HSPG2: variants seen among roughly 807,000 people sequenced by gnomAD.
The protein encoded by HSPG2 is heparan sulfate proteoglycan 2.
HSPG2 carries 278 observed loss-of-function variants against 526.6 expected under a neutral mutation model. That is an observed-to-expected ratio of 0.53 (90% confidence interval 0.48 to 0.58). The LOEUF (loss-of-function observed/expected upper bound fraction) is 0.58. Ranked by LOEUF, HSPG2 falls within the 20% of genes least tolerant of loss-of-function variation. The pLI is 0.00. For synonymous variants in HSPG2, 2,465 were observed against 2,555.4 expected, an observed-to-expected ratio of 0.96 and a Z score of 1.07; for missense variants, 5,354 against 6,099.5, an observed-to-expected ratio of 0.88 and a Z score of 4.07.
Position 21,841,119 on chromosome 1 carries a change from G to A in HSPG2, c.9495C>T (p.Asp3165=). 1 of 1,611,582 alleles carries A rather than the reference G, an allele frequency of 6.2e-7. No individual in the cohort carries two copies. Among genetic ancestry groups the A allele is most frequent in the Non-Finnish European group, 8.5e-7 (1 of 1,179,270 alleles). The change falls in exon 71 of 97, where the codon GAC becomes GAT. Residue 3165 remains aspartate, a synonymous_variant. Transcript: ENST00000374695. ...GCTTCACCTGCAGCACCGCGTGGCT[G>A]TCCATGAGCCCATATGTCCGCTGCT... ...KLEQRTYGLM[D]SHAVLQISSA...
rs1347924320 is a variant in HSPG2 at position 21,846,739 on chromosome 1, C to A, written c.8165-140G>T. 4 of 948,758 alleles carry A rather than the reference C, an allele frequency of 4.2e-6. No homozygotes were observed. The African/African-American group carries it at 6.4e-5, about 15-fold the overall frequency. The allele number at this position is 948,758 out of a possible 1,614,324, so 58.8% of individuals were successfully genotyped here. On this transcript the variant is annotated intron_variant, in intron 62 of 96. Coordinates refer to ENST00000374695, the MANE Select transcript of HSPG2 (RefSeq NM_005529.7). ...ACTTGGCCGGGCATGGTGGCTCATGCCTGTAATCCCAGCACTTTGGGAGGC... is the reference window on the plus strand; with the variant it reads ...ACTTGGCCGGGCATGGTGGCTCATGACTGTAATCCCAGCACTTTGGGAGGC...
At position 21,876,396 on chromosome 1, in the gene HSPG2, C is replaced by T. The variant is rs1429649523; in HGVS notation, c.2836G>A (p.Ala946Thr). 1.2e-6 allele frequency: 2 copies of T among 1,610,360 alleles called. No homozygotes were observed. Among genetic ancestry groups the T allele is most frequent in the South Asian group, 1.1e-5 (1 of 90,408 alleles). ...CTGAAGTGACCAGGCTCCTCAGAGG[C>T]CCCATGCAACTGGGAGGAGGAGAAA... ...SSWSRAQLHG[A>T]SEEPGHFSLT... The change falls in exon 23 of 97, where the codon GCC becomes ACC. Residue 946 changes from alanine (A) to threonine (T), a missense_variant. Ala to Thr is a moderately conservative substitution (Grantham distance 58, BLOSUM62 0). Transcript: ENST00000374695.
At chr1:21,826,377 A>AT (rs761007509) in intron 91 of HSPG2, among the ~76,000 whole-genome samples, 1 of 149,520 alleles carries the variant, frequency 6.7e-6, no homozygotes, top group Non-Finnish European at 1.5e-5. Context: ...TACTTTTTGT[A>AT]TTTTTTTGTA....
rs528325108 is a variant in HSPG2 at position 21,878,231 on chromosome 1, G to A, written c.2640C>T (p.Asp880=). ...CGGAGGTCCCCATGCTGCCACGCTC[G>A]TCACAGCGCACAATCTCCTGGTCTG... The part of the protein sequence containing the change: ...RPVNQEIVRC[D]ERGSMGTSGE... Residue 880 remains aspartate (D), a synonymous_variant, in exon 21 of 97, where the codon GAC becomes GAT. Coordinates refer to ENST00000374695, the MANE Select transcript of HSPG2 (RefSeq NM_005529.7). 1.4e-5 allele frequency: 23 copies of A among 1,613,940 alleles called. No homozygotes were observed. In the African/African-American group the frequency reaches 1.6e-4, roughly 11 times the overall value.
At chr1:21,832,254 CATGA>C (rs527580898) in intron 81 of HSPG2, among the ~76,000 whole-genome samples, 1 of 148,884 alleles carries the variant, frequency 6.7e-6, no homozygotes, top group Non-Finnish European at 1.5e-5. Context: ...TGCATGCATG[CATGA>C]ATGAATGAAT....
At chr1:21,909,879 G>A (rs1291718357) in intron 1 of HSPG2, among the ~76,000 whole-genome samples, 5 of 152,246 alleles carry the variant, frequency 3.3e-5, no homozygotes. Context: ...TACCTCTGGT[G>A]CACAAAGAGG....
chr1:21,852,220 A>C lies in HSPG2; in HGVS notation c.6738T>G (p.Pro2246=). ...TGGAGGATGAAGACTCGATCCTGAC[A>C]GGTGGGATGGGTCCTGCAGCAGTGG... ...EASVIPGPIP[P]VRIESSSSTV... is the part of the protein sequence containing the mutation. The change falls in exon 53 of 97, where the codon CCT becomes CCG. Residue 2246 remains proline, a synonymous_variant. Coordinates refer to ENST00000374695, the MANE Select transcript of HSPG2 (RefSeq NM_005529.7). The C allele has an allele frequency of 6.2e-7, 1 of 1,614,050 alleles. No homozygotes were observed. Among genetic ancestry groups the C allele is most frequent in the South Asian group, 1.1e-5 (1 of 91,086 alleles).
intron 1 of HSPG2, among the ~76,000 whole-genome samples, chr1:21,918,676 C>T (rs755685320): frequency 7.2e-5 from 11 of 152,128 alleles, no homozygotes; most frequent in Non-Finnish European, 1.3e-4. Flanking sequence ...GATCAAAGAG[C>T]TAATGCAACT....
chr1:21,899,428 C>T (rs79928839), intron 1 of HSPG2, among the ~76,000 whole-genome samples: 2,388 of 152,126 alleles, frequency 0.016, 44 homozygotes, highest in Admixed American at 0.054. Context: ...TACTATGCAC[C>T]AGGCACTCCT....
intron 39 of HSPG2, among the ~76,000 whole-genome samples, chr1:21,861,545 T>G (rs1036014439): frequency 6.7e-6 from 1 of 150,084 alleles, no homozygotes; most frequent in Admixed American, 6.6e-5. Flanking sequence ...AAGTACAGAG[T>G]TGGGTGTCAG....
rs1411312564 is a variant in HSPG2, at chr1:21,859,504, T to TCTGCAGC, written c.5293+55_5293+61dup. 69 of 1,309,538 alleles carry TCTGCAGC rather than the reference T, an allele frequency of 5.3e-5. No homozygotes were observed. Among genetic ancestry groups the TCTGCAGC allele is most frequent in the Non-Finnish European group, 6.9e-5 (64 of 926,762 alleles). 81.1% of individuals were successfully genotyped at this position (1,309,538 alleles called of 1,614,324 possible). A position where few individuals can be genotyped will look rare whatever the true frequency, so the allele number is the denominator to read the frequency against. ...CAGGTGAATGCACCATCTGCCTGAA[T>TCTGCAGC]CTGCAGCCTGCAGCCCAGCCCAGGA... On this transcript the variant is annotated intron_variant, in intron 42 of 96. Transcript: ENST00000374695. The surrounding 1 kb of genome is among the most constrained non-coding windows in gnomAD (Gnocchi z 5.3).
At chr1:21,874,797 G>T in intron 26 of HSPG2, 68 bp from the exon 27 acceptor site, 1 of 1,508,180 alleles carries the variant, frequency 6.6e-7, no homozygotes, top group Non-Finnish European at 9.1e-7. Flanking sequence ...GGCACTGGAT[G>T]GCCAGGGCTG....
chr1:21,831,957 C>G (rs945589272), intron 81 of HSPG2, among the ~76,000 whole-genome samples, 161 bp from the exon 82 acceptor site: 7 of 152,136 alleles, frequency 4.6e-5, no homozygotes, highest in Non-Finnish European at 2.9e-5. Flanking sequence ...CTTGTCGTCC[C>G]TCCCCGTGAC....
Position 21,865,010 on chromosome 1 carries a change from CG to C in HSPG2, c.4458del (p.Asp1487ThrfsTer6). The C allele has an allele frequency of 6.3e-7, 1 of 1,578,452 alleles. No individual in the cohort carries two copies. ...ATREHLLMAL[A>X]DLDELLIRAT... Reference sequence around the variant, plus strand: ...GCCCGGATCAGGAGCTCATCCAGGTCGGCCAGTGCCATCAGGAGGTGCTCGC... The same window carrying C: ...GCCCGGATCAGGAGCTCATCCAGGTCGCCAGTGCCATCAGGAGGTGCTCGC... On this transcript the variant is annotated frameshift_variant, in exon 36 of 97. Coordinates refer to ENST00000374695, the MANE Select transcript of HSPG2 (RefSeq NM_005529.7). LOFTEE classifies it high-confidence loss of function. This position sits in a 1 kb window ranked among gnomAD's most constrained non-coding sequence, Gnocchi z 5.4.
chr1:21,842,836 C>T lies in HSPG2; in HGVS notation c.8844G>A (p.Val2948=), dbSNP rs770655871. ...TGACCTGGGCATGGGCCTGCCCGGG[C>T]ACCACACAGTTCAGATCCAGAGTCT... ...EGQTLDLNCV[V]PGQAHAQVTW... Residue 2948 remains valine (V), a synonymous_variant, in exon 67 of 97, where the codon GTG becomes GTA. Transcript: ENST00000374695. The T allele has an allele frequency of 6.2e-7, 1 of 1,613,940 alleles. No homozygotes were observed. Among genetic ancestry groups the T allele is most frequent in the Non-Finnish European group, 8.5e-7 (1 of 1,180,034 alleles).
chr1:21,836,023 G>T (rs964235355), intron 75 of HSPG2, among the ~76,000 whole-genome samples: 5 of 151,496 alleles, frequency 3.3e-5, no homozygotes, highest in Non-Finnish European at 5.9e-5. Context: ...GCAATTGTGT[G>T]GGCATTAAAA....
intron 9 of HSPG2, among the ~76,000 whole-genome samples, chr1:21,885,799 G>A (rs1211961105): frequency 2.0e-5 from 3 of 152,212 alleles, no homozygotes; most frequent in African/African-American, 7.2e-5. Flanking sequence ...CACCACCAGT[G>A]GGGCTGGCAT....
At chr1:21,832,440 C>T in intron 81 of HSPG2, 55 bp downstream of exon 81, 2 of 1,449,986 alleles carry the variant, frequency 1.4e-6, no homozygotes, top group East Asian at 2.3e-5. Flanking sequence ...TAGCACTTGC[C>T]AGACCAAAGC....
In HSPG2 at chr1:21,874,957, GC is replaced by G; in HGVS notation, c.3347del (p.Gly1116AlafsTer158). The stretch of plus-strand genomic sequence containing the variant: ...GTTCCACTTCCAGCGCGGGGTCCTG[GC>G]CGGTTTCCTCGGGCACAGCCACGTC... ...SMDVAVPEET[G>X]QDPALEVEQC... On this transcript the variant is annotated frameshift_variant, in exon 26 of 97. Transcript: ENST00000374695. LOFTEE classifies it high-confidence loss of function. 1 of 1,611,446 alleles carries G rather than the reference GC, an allele frequency of 6.2e-7. No individual in the cohort carries two copies. The highest frequency in any genetic ancestry group is 8.5e-7 in the Non-Finnish European group (1 of 1,179,068).
Sources: allele counts gnomAD v4.1 joint callset (sites outside exome capture counted in the v4.1 genomes callset), GRCh38; gene constraint gnomAD v4.1.1; non-coding constraint Gnocchi (gnomAD v3.1); transcripts MANE v1.5; gene names NCBI Gene and HGNC (gene_info 2026-07-23, HGNC 2026-07-21).